The following PROM1 variants were observed in gnomAD, a reference collection of about 807,000 sequenced individuals.
PROM1 encodes prominin-1.
Under a neutral mutation model 116.9 loss-of-function variants are expected in PROM1, and 105 were observed. The observed-to-expected ratio is 0.90, with a 90% CI of 0.77 to 1.06. PROM1 has a LOEUF of 1.06. PROM1 is among the 50% of genes least tolerant of loss of function. PROM1 has a pLI of 0.00. For missense variants in PROM1, 1,122 were observed against 1,045.2 expected (o/e 1.07, Z -1.01); for synonymous variants, 393 against 387.0 (o/e 1.02, Z -0.18).
intron 13 of PROM1, among the ~76,000 whole-genome samples, chr4:16,004,831 T>TCTTCCTTCCTTCCTTCCTTCCTTCC (rs1724808322): frequency 1.1e-5 from 1 of 90,822 alleles, no homozygotes; most frequent in Non-Finnish European, 2.4e-5. Context: ...TTCTTTCTTT[T>TCTTCCTTCCTTCCTTCCTTCCTTCC]TCTTCCTTCC....
intron 12 of PROM1, among the ~76,000 whole-genome samples, chr4:16,007,556 G>A (rs1243641216): frequency 6.6e-6 from 1 of 152,240 alleles, no homozygotes; most frequent in Middle Eastern, 3.2e-3. Context: ...CCATTCTGGG[G>A]AGGTTTGTTC....
At position 16,040,090 on chromosome 4, in the gene PROM1, G is replaced by A. The variant is rs552694550; in HGVS notation, c.221-1089C>T. 1.5e-4 allele frequency among the ~76,000 whole-genome samples: 23 copies of A among 152,128 alleles called. No homozygotes were observed. The South Asian group carries it at 3.9e-3, about 26-fold the overall frequency. Reference sequence around the variant, plus strand: ...GCAGTGCTATCACTATATCCATCACGCCTGAAATGTACTAATGGGGGGGCA... The same window carrying A: ...GCAGTGCTATCACTATATCCATCACACCTGAAATGTACTAATGGGGGGGCA... On this transcript the variant is annotated intron_variant, in intron 2 of 27. Transcript: ENST00000447510.
chr4:16,056,871 G>T (rs780008769), intron 2 of PROM1, among the ~76,000 whole-genome samples: 41 of 152,218 alleles, frequency 2.7e-4, no homozygotes, highest in Non-Finnish European at 5.9e-4. Flanking sequence ...TGGTCCAGGG[G>T]ACTGGCAGCC....
chr4:16,009,236 G>A (rs954162728), intron 11 of PROM1, 128 bp from the exon 12 acceptor site: 1 of 737,962 alleles, frequency 1.4e-6, no homozygotes, highest in East Asian at 2.7e-5. Context: ...TTTAAAATAT[G>A]GTAAGATTCT....
intron 26 of PROM1, among the ~76,000 whole-genome samples, chr4:15,978,086 G>A (rs191237987): frequency 1.3e-5 from 2 of 152,254 alleles, no homozygotes; most frequent in African/African-American, 2.4e-5. Flanking sequence ...TCCACCATGT[G>A]AGGATTTGGC....
chr4:15,974,154 C>T (rs555608256), intron 26 of PROM1, among the ~76,000 whole-genome samples: 1 of 146,790 alleles, frequency 6.8e-6, no homozygotes, highest in African/African-American at 2.5e-5. Flanking sequence ...AAAGAACTCC[C>T]TAGCAGCTGA....
At position 15,980,520 on chromosome 4, in the gene PROM1, G is replaced by GC; in HGVS notation, c.2390dup (p.Ile798HisfsTer20). 6.5e-7 allele frequency: 1 copy of GC among 1,540,724 alleles called. No individual in the cohort carries two copies. The highest frequency in any genetic ancestry group is 8.7e-7 in the Non-Finnish European group (1 of 1,143,278). On this transcript the variant is annotated frameshift_variant, in exon 24 of 28. Coordinates refer to ENST00000447510, the MANE Select transcript of PROM1 (RefSeq NM_006017.3). LOFTEE classifies it high-confidence loss of function. Reference sequence around the variant, plus strand: ...GTAAAAATACAGTAGCTTTTCCTATGCCAAACCAAAACAAATTCTAGGAAA... The same window carrying GC: ...GTAAAAATACAGTAGCTTTTCCTATGCCCAAACCAAAACAAATTCTAGGAAA...
chr4:15,983,231 T>C (rs778144058), intron 23 of PROM1, among the ~76,000 whole-genome samples: 5 of 152,022 alleles, frequency 3.3e-5, no homozygotes, highest in Non-Finnish European at 5.9e-5. Flanking sequence ...AAAAAAGACA[T>C]GTTTGAGCTA....
chr4:15,988,530 A>G lies in PROM1; in HGVS notation c.2077-814T>C, dbSNP rs556636305. Among the ~76,000 whole-genome samples the G allele has an allele frequency of 7.9e-5, 12 of 152,324 alleles. No homozygotes were observed. In the East Asian group the frequency reaches 2.1e-3, roughly 27 times the overall value. On this transcript the variant is annotated intron_variant, in intron 19 of 27. Coordinates refer to ENST00000447510, the MANE Select transcript of PROM1 (RefSeq NM_006017.3). ...GCCATATTCCAATACAATTTTATTT[A>G]CAAAAACTGCTGGTAGGCTGAATTT...
At chr4:16,021,091 T>A (rs541054940) in intron 8 of PROM1, among the ~76,000 whole-genome samples, 1 of 103,868 alleles carries the variant, frequency 9.6e-6, no homozygotes. Context: ...TGCAAATCAT[T>A]TTTAGCCAAA....
intron 14 of PROM1, among the ~76,000 whole-genome samples, chr4:15,999,624 A>G (rs1723236039): frequency 6.6e-6 from 1 of 152,192 alleles, no homozygotes; most frequent in African/African-American, 2.4e-5. Context: ...TCGACACTCT[A>G]CAGGAGATAA....
At chr4:16,052,401 C>T (rs1005485018) in intron 2 of PROM1, among the ~76,000 whole-genome samples, 5 of 152,160 alleles carry the variant, frequency 3.3e-5, no homozygotes, top group Non-Finnish European at 7.4e-5. Flanking sequence ...AGAATGCTCC[C>T]GACACAGCAG....
intron 3 of PROM1, among the ~76,000 whole-genome samples, chr4:16,038,630 T>C (rs1734478104): frequency 6.6e-6 from 1 of 151,982 alleles, no homozygotes; most frequent in African/African-American, 2.4e-5. Flanking sequence ...CTCAGACTCC[T>C]GACCTGGTGA....
At chr4:15,982,801 T>C (rs926081299) in intron 23 of PROM1, among the ~76,000 whole-genome samples, 3 of 152,042 alleles carry the variant, frequency 2.0e-5, no homozygotes, top group Non-Finnish European at 4.4e-5. Flanking sequence ...ACAAGAAAAG[T>C]AGTTGCAAGA....
At chr4:15,984,188 A>T (rs1257090715) in intron 23 of PROM1, 75 bp downstream of exon 23, 1 of 1,168,282 alleles carries the variant, frequency 8.6e-7, no homozygotes, top group Non-Finnish European at 1.2e-6. Context: ...AAATATTATA[A>T]TGTATATCAT....
chr4:16,049,787 A>T (rs1737430717), intron 2 of PROM1, among the ~76,000 whole-genome samples: 1 of 151,864 alleles, frequency 6.6e-6, no homozygotes, highest in African/African-American at 2.4e-5. Context: ...AAGATGATGA[A>T]TTTTTTCTTG....
intron 2 of PROM1, among the ~76,000 whole-genome samples, chr4:16,050,748 T>A (rs1017991165): frequency 4.6e-5 from 7 of 152,260 alleles, no homozygotes; most frequent in Non-Finnish European, 8.8e-5. Context: ...AATATAAGTT[T>A]ATTCTGATGC....
intron 2 of PROM1, among the ~76,000 whole-genome samples, chr4:16,066,698 T>C (rs1424731464): frequency 1.3e-5 from 2 of 152,214 alleles, no homozygotes; most frequent in Non-Finnish European, 2.9e-5. Flanking sequence ...TCATTTCTGC[T>C]CAAGCCCAGT....
chr4:16,010,152 A>G (rs1218529688), intron 11 of PROM1, among the ~76,000 whole-genome samples: 2 of 152,188 alleles, frequency 1.3e-5, no homozygotes, highest in Non-Finnish European at 2.9e-5. Context: ...TCTTTTGCTC[A>G]GTCGTAATTT....
Sources: gnomAD v4.1 joint callset for allele counts (sites outside exome capture counted in the v4.1 genomes callset) on GRCh38, gnomAD v4.1.1 for gene constraint, MANE v1.5 for transcripts, NCBI Gene and HGNC (gene_info 2026-07-23, HGNC 2026-07-21) for gene names.